Variants in GRAMD1B observed in about 807,000 individuals in gnomAD.
GRAMD1B encodes the protein protein Aster-B.
Under a neutral mutation model 99.7 loss-of-function variants are expected in GRAMD1B, and 37 were observed. That is an observed-to-expected ratio of 0.37 (90% CI 0.29 to 0.49). GRAMD1B has a LOEUF of 0.49. Among genes scored for constraint, GRAMD1B ranks in the 20% least tolerant of loss-of-function variants. GRAMD1B has a pLI of 0.98. For missense variants in GRAMD1B, 888 were observed against 1,009.2 expected (o/e 0.88, Z 1.63); for synonymous variants, 427 against 387.6 (o/e 1.10, Z -1.19).
chr11:123,549,299 C>T (rs1167982804), intron 2 of GRAMD1B, among the ~76,000 whole-genome samples: 1 of 152,122 alleles, frequency 6.6e-6, no homozygotes, highest in African/African-American at 2.4e-5. Flanking sequence ...AATCCCAGCA[C>T]TTTGGGAGGC....
chr11:123,488,260 G>A (rs1241093648), intron 2 of GRAMD1B, among the ~76,000 whole-genome samples: 1 of 152,116 alleles, frequency 6.6e-6, no homozygotes, highest in Non-Finnish European at 1.5e-5. Flanking sequence ...TGGGGGTGGG[G>A]CACCAACACT....
chr11:123,435,312 G>A, intron 1 of GRAMD1B: 1 of 649,160 alleles, frequency 1.5e-6, no homozygotes. Flanking sequence ...TCAGCGTGAT[G>A]TGGTAGAAGT....
chr11:123,518,107 C>T (rs1941851715), intron 2 of GRAMD1B, among the ~76,000 whole-genome samples: 1 of 152,130 alleles, frequency 6.6e-6, no homozygotes, highest in Non-Finnish European at 1.5e-5. Context: ...GGCAACGGCC[C>T]CTCTCCTGGT....
At chr11:123,523,998 A>AT in intron 2 of GRAMD1B, among the ~76,000 whole-genome samples, 1 of 152,038 alleles carries the variant, frequency 6.6e-6, no homozygotes, top group East Asian at 1.9e-4. Context: ...AGTATACCTT[A>AT]TTTTTTTCTT....
At chr11:123,589,148 G>T (rs915211109) in intron 4 of GRAMD1B, among the ~76,000 whole-genome samples, 2 of 151,254 alleles carry the variant, frequency 1.3e-5, no homozygotes, top group African/African-American at 4.9e-5. Flanking sequence ...ATCATGTTGG[G>T]GCTCAAAGGG....
rs1953420014 is a variant in GRAMD1B at position 123,610,659 on chromosome 11, A to AT, written c.1919+326dup. Reference sequence around the variant, plus strand: ...GACTCAAAGAGGTGGATTTATCTTCATTTTTCAGATAAAACTGAGTCTCAT... The same window carrying AT: ...GACTCAAAGAGGTGGATTTATCTTCATTTTTTCAGATAAAACTGAGTCTCAT... On this transcript the variant is annotated intron_variant, in intron 14 of 19. Coordinates refer to ENST00000635736, the MANE Select transcript of GRAMD1B (RefSeq NM_001387025.1). This position sits in a 1 kb window ranked among gnomAD's most constrained non-coding sequence, Gnocchi z 4.1. Among the ~76,000 whole-genome samples, 1 of 152,064 alleles carries AT rather than the reference A, an allele frequency of 6.6e-6. No individual in the cohort carries two copies. Among genetic ancestry groups the AT allele is most frequent in the African/African-American group, 2.4e-5 (1 of 41,406 alleles).
At chr11:123,597,832 C>G in intron 7 of GRAMD1B, 1 of 665,554 alleles carries the variant, frequency 1.5e-6, no homozygotes, top group Admixed American at 2.3e-5. Context: ...CATGCTAGAC[C>G]ATGAAACTAA....
rs962999249 is a variant in GRAMD1B, at chr11:123,469,135, G to A, written c.375-11681G>A. On this transcript the variant is annotated intron_variant, in intron 1 of 19. Coordinates refer to ENST00000635736, the MANE Select transcript of GRAMD1B (RefSeq NM_001387025.1). ...ATTAAAAGGCAGAGGCAAGTAGAAG[G>A]GCTGGAGTGGAGAGCGGAGGTGACG... is the stretch of plus-strand genomic sequence containing the variant. 3.3e-5 allele frequency among the ~76,000 whole-genome samples: 5 copies of A among 152,020 alleles called. No homozygotes were observed. The South Asian group carries it at 8.3e-4, about 25-fold the overall frequency.
intron 1 of GRAMD1B, among the ~76,000 whole-genome samples, chr11:123,401,955 G>T (rs994592866): frequency 6.6e-6 from 1 of 151,944 alleles, no homozygotes; most frequent in East Asian, 1.9e-4. Flanking sequence ...TGTGTCCATT[G>T]GTTGTTACAC....
chr11:123,530,966 A>G (rs936761396), intron 2 of GRAMD1B, among the ~76,000 whole-genome samples: 9 of 152,114 alleles, frequency 5.9e-5, no homozygotes, highest in Admixed American at 1.3e-4. Context: ...TGGGTGGATT[A>G]GTTGGTCTCT....
chr11:123,382,899 C>G (rs142565918), intron 1 of GRAMD1B, among the ~76,000 whole-genome samples: 1 of 152,198 alleles, frequency 6.6e-6, no homozygotes, highest in South Asian at 2.1e-4. Flanking sequence ...GGACAAGCCC[C>G]TGTCCCAATT....
chr11:123,604,831 G>T (rs1316918452), intron 9 of GRAMD1B, among the ~76,000 whole-genome samples: 1 of 152,104 alleles, frequency 6.6e-6, no homozygotes, highest in Non-Finnish European at 1.5e-5. Context: ...TCTCAAGGAG[G>T]TTTTCTTTCT....
At chr11:123,550,251 T>C (rs906724812) in intron 2 of GRAMD1B, among the ~76,000 whole-genome samples, 3 of 152,128 alleles carry the variant, frequency 2.0e-5, no homozygotes, top group Non-Finnish European at 4.4e-5. Flanking sequence ...ACTGCTCCCA[T>C]TGATCAACCT....
In GRAMD1B at chr11:123,615,605, C is replaced by T. The variant is rs533901105; in HGVS notation, c.2318+770C>T. The stretch of plus-strand genomic sequence containing the variant: ...GAGGCTGAGGTAGGGAAGGAAGATG[C>T]GCTACTGATTCGAGGGACCATACAT... On this transcript the variant is annotated intron_variant, in intron 17 of 19. Transcript: ENST00000635736. Among the ~76,000 whole-genome samples the T allele has an allele frequency of 1.6e-4, 25 of 152,252 alleles. 1 individual carries two copies. The highest frequency in any genetic ancestry group is 6.8e-3 in the Middle Eastern group (2 of 294).
chr11:123,625,973 A>AGAGAGAGAGAGAGAGAGAGATC lies in GRAMD1B; in HGVS notation c.*3386_*3387insGAGAGAGAGAGATCGAGAGAGA, dbSNP rs34697633. On this transcript the variant is annotated 3_prime_UTR_variant, in exon 20 of 20. Coordinates refer to ENST00000635736, the MANE Select transcript of GRAMD1B (RefSeq NM_001387025.1). ...GAGAGAGAGAGAGAGAGAGAGAGAG[A>AGAGAGAGAGAGAGAGAGAGATC]GAGAGAGATCGAGCTTGATGTATTG... 6.5e-4 allele frequency: 91 copies of AGAGAGAGAGAGAGAGAGAGATC among 139,806 alleles called. 1 individual carries two copies. The highest frequency in any genetic ancestry group is 2.6e-3 in the South Asian group (10 of 3,842). The allele number at this position is 139,806 out of a possible 1,614,324, so 8.7% of individuals were successfully genotyped here. A position where few individuals can be genotyped will look rare whatever the true frequency, so the allele number is the denominator to read the frequency against.
intron 1 of GRAMD1B, among the ~76,000 whole-genome samples, chr11:123,470,909 C>T (rs7128579): frequency 6.6e-6 from 1 of 152,052 alleles, no homozygotes; most frequent in African/African-American, 2.4e-5. Flanking sequence ...TGAAAATGCT[C>T]TCTATCTGTA....
At chr11:123,364,441 G>A (rs1946251034) in intron 1 of GRAMD1B, among the ~76,000 whole-genome samples, 2 of 152,232 alleles carry the variant, frequency 1.3e-5, no homozygotes, top group South Asian at 2.1e-4. Flanking sequence ...AGGCAGGATT[G>A]ACAGTCTATT....
chr11:123,465,004 G>A (rs1950597793), intron 1 of GRAMD1B, among the ~76,000 whole-genome samples: 2 of 152,118 alleles, frequency 1.3e-5, no homozygotes, highest in African/African-American at 4.8e-5. Flanking sequence ...AGGGAGGTAG[G>A]GTTTTGGTGA....
rs1258622762 is a variant in GRAMD1B at position 123,619,237 on chromosome 11, A to C, written c.2544+13A>C. 1 of 1,552,494 alleles carries C rather than the reference A, an allele frequency of 6.4e-7. No individual in the cohort carries two copies. Among genetic ancestry groups the C allele is most frequent in the South Asian group, 1.2e-5 (1 of 84,080 alleles). The stretch of plus-strand genomic sequence containing the variant: ...GCTCCTTGACCAGGTGAGATGCCCC[A>C]CCTTCTCTGCTTGCCCTGGTCTTTG... On this transcript the variant is annotated intron_variant, in intron 19 of 19. Transcript: ENST00000635736.
Sources: gnomAD v4.1 joint callset for allele counts (sites outside exome capture counted in the v4.1 genomes callset) on GRCh38, gnomAD v4.1.1 for gene constraint, Gnocchi (gnomAD v3.1) non-coding constraint, MANE v1.5 for transcripts, NCBI Gene and HGNC (gene_info 2026-07-23, HGNC 2026-07-21) for gene names.